Variants in RNF185 observed in about 807,000 individuals in gnomAD.
RNF185 encodes the protein E3 ubiquitin-protein ligase RNF185.
Under a neutral mutation model 24.9 loss-of-function variants are expected in RNF185, and 13 were observed. The ratio of observed to expected loss-of-function variants is 0.52; its 90% CI spans 0.34 to 0.83. The LOEUF is 0.83. Ranked by LOEUF, RNF185 falls within the 40% of genes least tolerant of loss-of-function variation. The probability of loss-of-function intolerance (pLI) is 0.01; values close to 1 mark genes in which losing one functional copy is unlikely to be tolerated. For synonymous variants in RNF185, 79 were observed against 90.3 expected (o/e 0.88, Z 0.71); for missense variants, 184 against 244.7 (o/e 0.75, Z 1.65).
intron 1 of RNF185, among the ~76,000 whole-genome samples, chr22:31,167,755 A>T (rs1286049695): frequency 2.0e-5 from 3 of 151,712 alleles, no homozygotes; most frequent in African/African-American, 7.3e-5. Flanking sequence ...CTGGAATTAC[A>T]GGCGCTCACC....
At chr22:31,202,900 C>G (rs1322328981) in intron 6 of RNF185, among the ~76,000 whole-genome samples, 8 of 152,178 alleles carry the variant, frequency 5.3e-5, no homozygotes, top group Non-Finnish European at 1.2e-4. Flanking sequence ...AGGCGTGAGC[C>G]ACCGCGCCCG....
At chr22:31,182,299 A>T (rs939032655) in intron 1 of RNF185, among the ~76,000 whole-genome samples, 8 of 150,034 alleles carry the variant, frequency 5.3e-5, no homozygotes, top group Admixed American at 1.3e-4. Flanking sequence ...TTATTTATTT[A>T]TTTTTTTTGA....
intron 6 of RNF185, among the ~76,000 whole-genome samples, chr22:31,203,713 T>G (rs2147968364): frequency 6.6e-6 from 1 of 152,282 alleles, no homozygotes; most frequent in African/African-American, 2.4e-5. Context: ...CCACATAGTT[T>G]CATTTTGCCT....
At chr22:31,161,832 C>T (rs1176766716) in intron 1 of RNF185, among the ~76,000 whole-genome samples, 2 of 149,356 alleles carry the variant, frequency 1.3e-5, no homozygotes, top group Non-Finnish European at 3.0e-5. Flanking sequence ...AAACAGTCCT[C>T]TTATAGACTT....
At chr22:31,186,035 A>G (rs1225238262) in intron 1 of RNF185, among the ~76,000 whole-genome samples, 5 of 152,134 alleles carry the variant, frequency 3.3e-5, no homozygotes, top group Admixed American at 3.3e-4. Flanking sequence ...GTCAGGTGGT[A>G]TGAGGGTAAA....
At chr22:31,184,277 G>A (rs1037659614) in intron 1 of RNF185, among the ~76,000 whole-genome samples, 10 of 151,834 alleles carry the variant, frequency 6.6e-5, no homozygotes, top group Non-Finnish European at 1.0e-4. Flanking sequence ...GTTCCCAGAC[G>A]GGGTCGCGGC....
At chr22:31,181,410 C>T (rs1219513655) in intron 1 of RNF185, among the ~76,000 whole-genome samples, 2 of 152,116 alleles carry the variant, frequency 1.3e-5, no homozygotes, top group East Asian at 1.9e-4. Context: ...TACAGTGAAC[C>T]TCCATTCATC....
intron 1 of RNF185, among the ~76,000 whole-genome samples, chr22:31,170,126 G>A (rs1040635761): frequency 1.3e-5 from 2 of 152,080 alleles, no homozygotes; most frequent in Non-Finnish European, 2.9e-5. Flanking sequence ...TCTGATACTC[G>A]CTCTCTTAAT....
At chr22:31,186,617 T>C (rs1002530740) in intron 1 of RNF185, among the ~76,000 whole-genome samples, 3 of 152,098 alleles carry the variant, frequency 2.0e-5, no homozygotes, top group African/African-American at 7.2e-5. Context: ...AATATATATA[T>C]ATGTTCTGGC....
intron 6 of RNF185, 31 bp downstream of exon 6, chr22:31,201,646 A>G (rs1335397016): frequency 1.4e-6 from 2 of 1,474,286 alleles, no homozygotes; most frequent in Admixed American, 1.7e-5. Context: ...GAAATTAGGA[A>G]GATATCTTAG....
At position 31,160,185 on chromosome 22, in the gene RNF185, T is replaced by C. The variant is rs952789176; in HGVS notation, c.-167T>C. ...CCGAGAGGGGCGGCTCCGCGTCATGTGACTGGAGTCCGCGTAGGAGGGGTC... is the reference window on the plus strand; with the variant it reads ...CCGAGAGGGGCGGCTCCGCGTCATGCGACTGGAGTCCGCGTAGGAGGGGTC... On this transcript the variant is annotated 5_prime_UTR_variant, in exon 1 of 7. It removes the in-frame stop codon of an upstream open reading frame in the 5' UTR. Coordinates refer to ENST00000326132, the MANE Select transcript of RNF185 (RefSeq NM_152267.4). 6.5e-6 allele frequency: 1 copy of C among 152,752 alleles called. No individual in the cohort carries two copies. Among genetic ancestry groups the C allele is most frequent in the African/African-American group, 2.4e-5 (1 of 41,428 alleles). The allele number at this position is 152,752 out of a possible 1,614,324, so 9.5% of individuals were successfully genotyped here. A position where few individuals can be genotyped will look rare whatever the true frequency, so the allele number is the denominator to read the frequency against.
At chr22:31,202,599 G>A (rs1035808409) in intron 6 of RNF185, among the ~76,000 whole-genome samples, 6 of 143,770 alleles carry the variant, frequency 4.2e-5, no homozygotes, top group African/African-American at 1.6e-4. Context: ...AAGATATCTT[G>A]GGAATGCCTT....
At chr22:31,162,850 C>T (rs1003319686) in intron 1 of RNF185, among the ~76,000 whole-genome samples, 37 of 151,180 alleles carry the variant, frequency 2.4e-4, no homozygotes, top group Non-Finnish European at 7.4e-5. Context: ...CTGCAAGCTC[C>T]GCCTCCTGGG....
chr22:31,185,111 T>C (rs2048086217), intron 1 of RNF185, among the ~76,000 whole-genome samples: 1 of 151,452 alleles, frequency 6.6e-6, no homozygotes, highest in African/African-American at 2.4e-5. Context: ...AGAGAGCACA[T>C]GTAATATGAA....
intron 1 of RNF185, among the ~76,000 whole-genome samples, chr22:31,166,417 A>T (rs1171645177): frequency 6.6e-6 from 1 of 152,154 alleles, no homozygotes; most frequent in East Asian, 1.9e-4. Flanking sequence ...GTTTCCTGCT[A>T]CGGGGCACAT....
At position 31,166,606 on chromosome 22, in the gene RNF185, CCCTCCT is replaced by C. The variant is rs754140129; in HGVS notation, c.-49+6316_-49+6321del. Reference sequence around the variant, plus strand: ...TCCCCTTCCCCTTCCCCTTCCCTTCCCCTCCTCCTCCTCCTCCTTCTTCTTCTTCTT... The same window carrying C: ...TCCCCTTCCCCTTCCCCTTCCCTTCCCCTCCTCCTCCTTCTTCTTCTTCTT... On this transcript the variant is annotated intron_variant, in intron 1 of 6. Coordinates refer to ENST00000326132, the MANE Select transcript of RNF185 (RefSeq NM_152267.4). 1.4e-4 allele frequency among the ~76,000 whole-genome samples: 20 copies of C among 147,596 alleles called. No homozygotes were observed. In the South Asian group the frequency reaches 2.0e-3, roughly 15 times the overall value.
In RNF185 at chr22:31,196,981, G is replaced by T. The variant is rs367906302; in HGVS notation, c.354G>T (p.Glu118Asp). 5 of 1,613,652 alleles carry T rather than the reference G, an allele frequency of 3.1e-6. No individual in the cohort carries two copies. Among genetic ancestry groups the T allele is most frequent in the Non-Finnish European group, 4.2e-6 (5 of 1,179,772 alleles). The change falls in exon 5 of 7, where the codon GAG becomes GAT. Residue 118 changes from glutamate (E) to aspartate (D), a missense_variant. Physicochemically the swap from Glu to Asp is conservative, Grantham distance 45 (BLOSUM62 2). Transcript: ENST00000326132. ...PRPQGQRPEPENRGGFQGFGF... is the reference protein window; with the variant it reads ...PRPQGQRPEPDNRGGFQGFGF... Reference sequence around the variant, plus strand: ...CTCAAGGACAGAGGCCAGAGCCGGAGAATAGAGGGGTGAGGAACATTCTAG... The same window carrying T: ...CTCAAGGACAGAGGCCAGAGCCGGATAATAGAGGGGTGAGGAACATTCTAG...
intron 1 of RNF185, among the ~76,000 whole-genome samples, chr22:31,173,998 C>T (rs1228183969): frequency 6.6e-6 from 1 of 152,158 alleles, no homozygotes; most frequent in Non-Finnish European, 1.5e-5. Context: ...GAGGAATATA[C>T]AAAAACAGTT....
chr22:31,169,338 A>G (rs773951497), intron 1 of RNF185, among the ~76,000 whole-genome samples: 17 of 152,176 alleles, frequency 1.1e-4, no homozygotes, highest in Admixed American at 3.3e-4. Context: ...ATTTTACTCT[A>G]TTGGTAGTGT....
Sources: allele counts gnomAD v4.1 joint callset (sites outside exome capture counted in the v4.1 genomes callset), GRCh38; gene constraint gnomAD v4.1.1; transcripts MANE v1.5; gene names NCBI Gene and HGNC (gene_info 2026-07-23, HGNC 2026-07-21).